The following OSBPL1A variants were observed in gnomAD, a reference collection of about 807,000 sequenced individuals.
OSBPL1A encodes oxysterol-binding protein-related protein 1.
OSBPL1A carries 80 observed loss-of-function variants against 137.1 expected under a neutral mutation model. That is an observed-to-expected ratio of 0.58 (90% CI 0.49 to 0.70). OSBPL1A has a LOEUF of 0.70. OSBPL1A is among the 30% of genes least tolerant of loss of function. The pLI, the probability that OSBPL1A is intolerant of heterozygous loss-of-function variation, is 0.00. For missense variants in OSBPL1A, 970 were observed against 1,129.4 expected (o/e 0.86, Z 2.02); for synonymous variants, 365 against 389.7 (o/e 0.94, Z 0.75).
At chr18:24,236,055 T>C (rs977354187) in intron 16 of OSBPL1A, among the ~76,000 whole-genome samples, 6 of 152,184 alleles carry the variant, frequency 3.9e-5, no homozygotes, top group Non-Finnish European at 7.3e-5. Flanking sequence ...CAACAGTCTC[T>C]TCTAGAGCCT....
intron 1 of OSBPL1A, among the ~76,000 whole-genome samples, chr18:24,397,399 A>C (rs1442886044): frequency 6.6e-6 from 1 of 152,220 alleles, no homozygotes; most frequent in Non-Finnish European, 1.5e-5. Flanking sequence ...TGGGAAGTGC[A>C]ACAAACGCCA....
intron 16 of OSBPL1A, among the ~76,000 whole-genome samples, chr18:24,225,626 A>G (rs1325177967): frequency 6.6e-6 from 1 of 152,082 alleles, no homozygotes; most frequent in Non-Finnish European, 1.5e-5. Flanking sequence ...AGAAGTTTAA[A>G]TTACATCCAA....
chr18:24,315,722 G>A (rs62088008), intron 11 of OSBPL1A, among the ~76,000 whole-genome samples: 13,558 of 112,954 alleles, frequency 0.12, 1,005 homozygotes, highest in Non-Finnish European at 0.16. Context: ...TATAATATAT[G>A]TAATATATTA....
At chr18:24,292,645 C>T (rs562677621) in intron 14 of OSBPL1A, among the ~76,000 whole-genome samples, 7 of 152,074 alleles carry the variant, frequency 4.6e-5, no homozygotes, top group African/African-American at 9.6e-5. Flanking sequence ...GTTTATACCA[C>T]GGTGGGAAAG....
At chr18:24,169,513 T>C in intron 24 of OSBPL1A, among the ~76,000 whole-genome samples, 1 of 152,236 alleles carries the variant, frequency 6.6e-6, no homozygotes, top group Non-Finnish European at 1.5e-5. Flanking sequence ...CCCATTATGT[T>C]TGTTAACTCA....
intron 18 of OSBPL1A, among the ~76,000 whole-genome samples, chr18:24,185,683 A>C (rs1308163775): frequency 6.6e-6 from 1 of 152,202 alleles, no homozygotes; most frequent in African/African-American, 2.4e-5. Context: ...GAGGCTATGC[A>C]CGTGTGGGGC....
chr18:24,289,612 G>A (rs1374301415), intron 14 of OSBPL1A, among the ~76,000 whole-genome samples: 1 of 151,874 alleles, frequency 6.6e-6, no homozygotes, highest in African/African-American at 2.4e-5. Flanking sequence ...GTAGAGACAG[G>A]GTTTCGCCAT....
chr18:24,245,624 T>C (rs552151363), intron 15 of OSBPL1A, among the ~76,000 whole-genome samples: 53 of 152,308 alleles, frequency 3.5e-4, no homozygotes, highest in African/African-American at 1.2e-3. Flanking sequence ...TCTGAAACCA[T>C]GGCCAGGCTG....
chr18:24,189,503 C>T (rs1251713748), intron 18 of OSBPL1A, among the ~76,000 whole-genome samples: 6 of 152,260 alleles, frequency 3.9e-5, no homozygotes, highest in Non-Finnish European at 7.4e-5. Flanking sequence ...TGGACAGAGC[C>T]GTGCCTCCTG....
intron 15 of OSBPL1A, among the ~76,000 whole-genome samples, chr18:24,250,190 T>TTTG (rs2089044065): frequency 2.4e-4 from 7 of 29,780 alleles, no homozygotes; most frequent in Admixed American, 6.0e-4. Context: ...TTGTTTGTTT[T>TTTG]TTTTGACATG....
chr18:24,258,515 A>G (rs1215896167), intron 15 of OSBPL1A, among the ~76,000 whole-genome samples: 1 of 152,214 alleles, frequency 6.6e-6, no homozygotes, highest in Non-Finnish European at 1.5e-5. Flanking sequence ...GGAGATGGTT[A>G]ATGGATGCAA....
chr18:24,194,541 G>C (rs114770137), intron 18 of OSBPL1A, among the ~76,000 whole-genome samples: 1 of 152,032 alleles, frequency 6.6e-6, no homozygotes, highest in Admixed American at 6.6e-5. Context: ...AGAGACAAAC[G>C]TGTGTTACTG....
At chr18:24,189,786 C>T (rs182135045) in intron 18 of OSBPL1A, among the ~76,000 whole-genome samples, 36 of 152,338 alleles carry the variant, frequency 2.4e-4, no homozygotes, top group African/African-American at 8.4e-4. Flanking sequence ...TGCCTGCGGC[C>T]GCTCTGGATG....
At chr18:24,289,418 G>GTTTTTTTTTTTTTTTTTTTTT (rs536281272) in intron 14 of OSBPL1A, among the ~76,000 whole-genome samples, 1 of 94,208 alleles carries the variant, frequency 1.1e-5, no homozygotes, top group Non-Finnish European at 2.0e-5. Flanking sequence ...GTTTTTTCCT[G>GTTTTTTTTTTTTTTTTTTTTT]TTTTTTTTTT....
chr18:24,232,824 T>A (rs1567963366), intron 16 of OSBPL1A, among the ~76,000 whole-genome samples: 1 of 152,138 alleles, frequency 6.6e-6, no homozygotes, highest in Non-Finnish European at 1.5e-5. Context: ...GAAAGATGAA[T>A]GATATGGCTG....
At position 24,374,498 on chromosome 18, in the gene OSBPL1A, G is replaced by A. The variant is rs191843414; in HGVS notation, c.121+2915C>T. 5.7e-3 allele frequency among the ~76,000 whole-genome samples: 863 copies of A among 152,110 alleles called. 34 individuals carry two copies. The highest frequency in any genetic ancestry group is 0.05 in the Admixed American group (769 of 15,270). On this transcript the variant is annotated intron_variant, in intron 2 of 27. Coordinates refer to ENST00000319481, the MANE Select transcript of OSBPL1A (RefSeq NM_080597.4). ...ACAGGCAAGCTGCTTCCGGGATGCA[G>A]GAAAAGACCCCCCCTAGATCGCCCA...
rs749355264 is a variant in OSBPL1A, at chr18:24,162,813, T to C, written c.*366A>G. 5.9e-6 allele frequency: 1 copy of C among 168,296 alleles called. No homozygotes were observed. The highest frequency in any genetic ancestry group is 1.3e-5 in the Non-Finnish European group (1 of 78,936). The allele number at this position is 168,296 out of a possible 1,614,324, so 10.4% of individuals were successfully genotyped here. On this transcript the variant is annotated 3_prime_UTR_variant, in exon 28 of 28. Transcript: ENST00000319481. ...TTCAAGCATGACAGCATAAAAATATTCAAAATAACTTGATTTGGGATTACT... is the reference window on the plus strand; with the variant it reads ...TTCAAGCATGACAGCATAAAAATATCCAAAATAACTTGATTTGGGATTACT...
In OSBPL1A at chr18:24,239,398, T is replaced by C; in HGVS notation, c.1282-16A>G. 8 of 1,609,776 alleles carry C rather than the reference T, an allele frequency of 5.0e-6. No homozygotes were observed. Among genetic ancestry groups the C allele is most frequent in the Non-Finnish European group, 5.9e-6 (7 of 1,177,196 alleles). On this transcript the variant is annotated splice_polypyrimidine_tract_variant and intron_variant, in intron 15 of 27. Transcript: ENST00000319481. Reference sequence around the variant, plus strand: ...AATTCCTCACCTAGAAGAAAACAGATATACAGAAAAGACTTCAGAGTGACA... The same window carrying C: ...AATTCCTCACCTAGAAGAAAACAGACATACAGAAAAGACTTCAGAGTGACA...
intron 17 of OSBPL1A, among the ~76,000 whole-genome samples, chr18:24,207,932 A>G (rs959967056): frequency 6.6e-6 from 1 of 152,138 alleles, no homozygotes; most frequent in Non-Finnish European, 1.5e-5. Context: ...TTTAGCAGAG[A>G]CAAGGTTTTG....
Sources: gnomAD v4.1 joint callset for allele counts (sites outside exome capture counted in the v4.1 genomes callset) on GRCh38, gnomAD v4.1.1 for gene constraint, MANE v1.5 for transcripts, NCBI Gene and HGNC (gene_info 2026-07-23, HGNC 2026-07-21) for gene names.